The following MCTS1 variants were observed in gnomAD, a reference collection of about 807,000 sequenced individuals.
The protein encoded by MCTS1 is malignant T-cell-amplified sequence 1.
For synonymous variants in MCTS1, 26 were observed against 40.8 expected (o/e 0.64, Z 1.38); for missense variants, 55 against 128.6 (o/e 0.43, Z 2.77).
intron 4 of MCTS1, among the ~76,000 whole-genome samples, chrX:120,608,752 C>T (rs770109128): frequency 8.9e-6 from 1 of 112,066 alleles, no homozygotes; most frequent in African/African-American, 3.2e-5. Flanking sequence ...GACTTACTGA[C>T]ATACGTTGGA....
Position 120,604,131 on chromosome X carries a change from G to C in MCTS1, c.-106G>C. On this transcript the variant is annotated 5_prime_UTR_variant, in exon 1 of 6. Coordinates refer to ENST00000371317, the MANE Select transcript of MCTS1 (RefSeq NM_014060.3). ...CCGGATAACGACTACAGCTCCGACT[G>C]TCAGTGCCGGCCTTCCTCGTGTGAG... 2.0e-6 allele frequency: 2 copies of C among 991,210 alleles called. No individual in the cohort carries two copies. Among genetic ancestry groups the C allele is most frequent in the South Asian group, 4.1e-5 (2 of 48,995 alleles). The allele number at this position is 991,210 out of a possible 1,213,427, so 81.7% of individuals were successfully genotyped here.
At chrX:120,608,590 G>A (rs142301908) in intron 4 of MCTS1, 2,943 of 253,499 alleles carry the variant, frequency 0.012, 15 homozygotes, top group Non-Finnish European at 0.015. Context: ...ACAAGTTACA[G>A]AAGAGTCTCA....
At position 120,613,493 on chromosome X, in the gene MCTS1, A is replaced by G. The variant is rs903801282; in HGVS notation, c.*1229A>G. ...GAAATAGGTACCACACAAGGTTCAT[A>G]CATTGCATTTGGTTGTTATTTATTG... On this transcript the variant is annotated 3_prime_UTR_variant, in exon 6 of 6. Transcript: ENST00000371317. 8.9e-6 allele frequency among the ~76,000 whole-genome samples: 1 copy of G among 112,528 alleles called. No individual in the cohort carries two copies. The highest frequency in any genetic ancestry group is 3.2e-5 in the African/African-American group (1 of 30,974).
At chrX:120,604,908 G>A in intron 1 of MCTS1, 2 of 1,132,943 alleles carry the variant, frequency 1.8e-6, no homozygotes, top group Non-Finnish European at 2.3e-6. Flanking sequence ...AACGAATAGG[G>A]ATCTTAGAAA....
chrX:120,605,365 C>T, intron 1 of MCTS1, 42 bp from the exon 2 acceptor site: 1 of 1,125,833 alleles, frequency 8.9e-7, no homozygotes, highest in Non-Finnish European at 1.2e-6. Context: ...GATACCTCTA[C>T]TTAGAAATGC....
Position 120,616,234 on chromosome X carries a change from A to G in MCTS1, c.*3970A>G, listed in dbSNP as rs910494086. ...CTCAAAATGATTCTAATTTCTAAGT[A>G]GTATGCATTAAAACTGATATATAAT... On this transcript the variant is annotated 3_prime_UTR_variant, in exon 6 of 6. Coordinates refer to ENST00000371317, the MANE Select transcript of MCTS1 (RefSeq NM_014060.3). Among the ~76,000 whole-genome samples the G allele has an allele frequency of 4.4e-5, 5 of 112,508 alleles. No homozygotes were observed. Among genetic ancestry groups the G allele is most frequent in the African/African-American group, 1.6e-4 (5 of 31,083 alleles).
rs200737462 is a variant in MCTS1 at position 120,620,287 on chromosome X, A to G, written c.*8023A>G. Among the ~76,000 whole-genome samples the G allele has an allele frequency of 1.4e-3, 151 of 105,926 alleles. No homozygotes were observed. The highest frequency in any genetic ancestry group is 4.6e-3 in the East Asian group (15 of 3,275). The allele number at this position is 105,926 out of a possible 115,157, so 92.0% of individuals were successfully genotyped here. A position where few individuals can be genotyped will look rare whatever the true frequency, so the allele number is the denominator to read the frequency against. ...CGCACCACTGCATTCCAGCCTGGAC[A>G]ACAGAGCGAAACTCCGTCTCAAAAA... On this transcript the variant is annotated 3_prime_UTR_variant, in exon 6 of 6. Transcript: ENST00000371317.
chrX:120,612,068 C>A, intron 5 of MCTS1, 115 bp from the exon 6 acceptor site: 2 of 557,410 alleles, frequency 3.6e-6, no homozygotes, highest in Non-Finnish European at 5.9e-6. Flanking sequence ...TCAATAAGTT[C>A]TTTACTTGTG....
chrX:120,607,161 A>G (rs1220890813), intron 3 of MCTS1, among the ~76,000 whole-genome samples: 1 of 110,751 alleles, frequency 9.0e-6, no homozygotes, highest in Non-Finnish European at 1.9e-5. Flanking sequence ...ATAGCTGTAC[A>G]TTGTCTGCTG....
Position 120,617,157 on chromosome X carries a change from A to G in MCTS1, c.*4893A>G, listed in dbSNP as rs372738889. On this transcript the variant is annotated 3_prime_UTR_variant, in exon 6 of 6. Coordinates refer to ENST00000371317, the MANE Select transcript of MCTS1 (RefSeq NM_014060.3). Reference sequence around the variant, plus strand: ...TTTAGGCAGAAACAGAAAGCAAAAAATTAAACTCATCCAACTCATACATTT... The same window carrying G: ...TTTAGGCAGAAACAGAAAGCAAAAAGTTAAACTCATCCAACTCATACATTT... Among the ~76,000 whole-genome samples the G allele has an allele frequency of 1.8e-5, 2 of 112,112 alleles. No individual in the cohort carries two copies. The highest frequency in any genetic ancestry group is 5.6e-4 in the East Asian group (2 of 3,597).
chrX:120,613,010 T>C lies in MCTS1; in HGVS notation c.*746T>C, dbSNP rs1452279739. ...GGTACGATCTTGGCTCACTGTAACC[T>C]CCACCTCCCGGGTTCAAGCGATTCT... On this transcript the variant is annotated 3_prime_UTR_variant, in exon 6 of 6. Transcript: ENST00000371317. Among the ~76,000 whole-genome samples the C allele has an allele frequency of 1.9e-5, 2 of 106,028 alleles. No homozygotes were observed. The highest frequency in any genetic ancestry group is 6.9e-5 in the African/African-American group (2 of 28,974). The allele number at this position is 106,028 out of a possible 115,157, so 92.1% of individuals were successfully genotyped here.
chrX:120,611,773 T>C (rs1305256638), intron 5 of MCTS1, among the ~76,000 whole-genome samples: 1 of 112,469 alleles, frequency 8.9e-6, no homozygotes, highest in Non-Finnish European at 1.9e-5. Context: ...CAGTATCTTA[T>C]ATCCTGACCT....
At chrX:120,611,314 T>A (rs1926681405) in intron 5 of MCTS1, 1 of 322,401 alleles carries the variant, frequency 3.1e-6, no homozygotes, top group Non-Finnish European at 5.5e-6. Flanking sequence ...ACAGCTGTTT[T>A]ATATGTGTGT....
chrX:120,604,889 T>G (rs1189992573), intron 1 of MCTS1: 1 of 1,152,536 alleles, frequency 8.7e-7, no homozygotes, highest in Non-Finnish European at 1.2e-6. Context: ...GCATGAAATT[T>G]TGAGCAAAAA....
chrX:120,605,506 A>G lies in MCTS1; in HGVS notation c.111A>G (p.Glu37=), dbSNP rs775619303. Reference sequence around the variant, plus strand: ...TGATAGAGCAATTTCCAGGTATTGAACCATGGCTTAATCAAATCATGCCTA... The same window carrying G: ...TGATAGAGCAATTTCCAGGTATTGAGCCATGGCTTAATCAAATCATGCCTA... ...NQLIEQFPGI[E]PWLNQIMPKK... The change falls in exon 2 of 6, where the codon GAA becomes GAG. Residue 37 remains glutamate, a synonymous_variant. Transcript: ENST00000371317. 9 of 1,198,578 alleles carry G rather than the reference A, an allele frequency of 7.5e-6. No homozygotes were observed. In the Admixed American group the frequency reaches 1.6e-4, roughly 22 times the overall value.
chrX:120,614,498 T>C lies in MCTS1; in HGVS notation c.*2234T>C, dbSNP rs900087692. ...TTCAAGTTCCATGTAGTTTTCCTTA[T>C]GTTATGACAGTTTTATTCTGCAGCT... On this transcript the variant is annotated 3_prime_UTR_variant, in exon 6 of 6. Coordinates refer to ENST00000371317, the MANE Select transcript of MCTS1 (RefSeq NM_014060.3). 8.9e-6 allele frequency among the ~76,000 whole-genome samples: 1 copy of C among 112,334 alleles called. No homozygotes were observed.
chrX:120,620,413 T>A lies in MCTS1; in HGVS notation c.*8149T>A, dbSNP rs1183607767. On this transcript the variant is annotated 3_prime_UTR_variant, in exon 6 of 6. Coordinates refer to ENST00000371317, the MANE Select transcript of MCTS1 (RefSeq NM_014060.3). ...TGGGTGGATCATGAGGTCAGAAGAT[T>A]GAGACCACCCTGGCCAACATGGTGA... 6.6e-5 allele frequency among the ~76,000 whole-genome samples: 6 copies of A among 90,445 alleles called. No homozygotes were observed. The highest frequency in any genetic ancestry group is 1.3e-4 in the Non-Finnish European group (6 of 47,900). 78.5% of individuals were successfully genotyped at this position (90,445 alleles called of 115,157 possible).
In MCTS1 at chrX:120,612,528, G is replaced by C; in HGVS notation, c.*264G>C. On this transcript the variant is annotated 3_prime_UTR_variant, in exon 6 of 6. Transcript: ENST00000371317. ...TTTCTTAGGCTAATGATATAAGAGT[G>C]AAGAGCAGGACTTGGTCAATGGATT... 4.2e-6 allele frequency: 1 copy of C among 239,340 alleles called. No homozygotes were observed. Among genetic ancestry groups the C allele is most frequent in the Admixed American group, 6.8e-5 (1 of 14,643 alleles). 19.7% of individuals were successfully genotyped at this position (239,340 alleles called of 1,213,427 possible).
In MCTS1 at chrX:120,612,164, GT is replaced by G. The variant is rs780963420; in HGVS notation, c.465-11del. The G allele has an allele frequency of 7.1e-6, 8 of 1,119,003 alleles. No individual in the cohort carries two copies. The African/African-American group carries it at 9.1e-5, about 13-fold the overall frequency. 92.2% of individuals were successfully genotyped at this position (1,119,003 alleles called of 1,213,427 possible). A position where few individuals can be genotyped will look rare whatever the true frequency, so the allele number is the denominator to read the frequency against. On this transcript the variant is annotated intron_variant, in intron 5 of 5. Transcript: ENST00000371317. ...AAAATGCATAAAAGTATGTTTATGT[GT>G]TTTTTTTCCTTCTACAGTGAGAAAG...
Sources: allele counts gnomAD v4.1 joint callset (sites outside exome capture counted in the v4.1 genomes callset), GRCh38; gene constraint gnomAD v4.1.1; transcripts MANE v1.5; gene names NCBI Gene and HGNC (gene_info 2026-07-23, HGNC 2026-07-21).